The following ARHGAP29 variants were observed in gnomAD, a reference collection of about 807,000 sequenced individuals.
ARHGAP29 encodes rho GTPase-activating protein 29.
A neutral mutation model predicts 122.6 loss-of-function variants in ARHGAP29; 43 were observed. That is an observed-to-expected ratio of 0.35 (90% CI 0.27 to 0.45). The LOEUF (loss-of-function observed/expected upper bound fraction) is 0.45, where lower values mean the gene tolerates loss of function less well. ARHGAP29 is among the 20% of genes least tolerant of loss of function. The pLI is 1.00. For missense variants in ARHGAP29, 1,303 were observed against 1,477.2 expected, an observed-to-expected ratio of 0.88 and a Z score of 1.93; for synonymous variants, 506 against 497.1, an observed-to-expected ratio of 1.02 and a Z score of -0.24.
At chr1:94,222,686 C>T (rs966199632) in intron 2 of ARHGAP29, among the ~76,000 whole-genome samples, 21 of 152,048 alleles carry the variant, frequency 1.4e-4, no homozygotes, top group Admixed American at 1.0e-3. Flanking sequence ...TAGAGGAAAT[C>T]TATGGAAATC....
chr1:94,309,524 G>A, the ARHGAP29 span, among the ~76,000 whole-genome samples: 2 of 152,222 alleles, frequency 1.3e-5, no homozygotes, highest in African/African-American at 2.4e-5. Context: ...GACACATTAT[G>A]CACAGATGAT....
chr1:94,205,450 T>C (rs1329608499), intron 6 of ARHGAP29, among the ~76,000 whole-genome samples, 185 bp downstream of exon 6: 2 of 152,170 alleles, frequency 1.3e-5, no homozygotes, highest in African/African-American at 4.8e-5. Flanking sequence ...GATCAGTCTA[T>C]ATCTCATATT....
At chr1:94,259,669 G>A (rs987426390) in intron 1 of ARHGAP29, among the ~76,000 whole-genome samples, 14 of 152,164 alleles carry the variant, frequency 9.2e-5, no homozygotes, top group South Asian at 2.1e-4. Context: ...GAGAAGCAAC[G>A]AGGGATTCAT....
Position 94,189,975 on chromosome 1 carries a change from T to G in ARHGAP29, c.1390A>C (p.Ser464Arg), listed in dbSNP as rs533027050. The change falls in exon 13 of 23, where the codon AGT becomes CGT. Residue 464 changes from serine (S) to arginine (R), a missense_variant. By Grantham distance (110) the Ser-to-Arg change is moderately radical. Transcript: ENST00000260526. ...GAATTTGTGGCCTTGACAAATTCAC[T>G]GTACTCTTGGCCTGGGTCATAGAGT... ...AKLYDPGQEYSEFVKATNSTE... is the reference protein window; with the variant it reads ...AKLYDPGQEYREFVKATNSTE... 2 of 1,613,524 alleles carry G rather than the reference T, an allele frequency of 1.2e-6. No individual in the cohort carries two copies. Among genetic ancestry groups the G allele is most frequent in the Admixed American group, 3.3e-5 (2 of 59,920 alleles).
chr1:94,186,424 T>C (rs1256728436), intron 16 of ARHGAP29, 75 bp downstream of exon 16: 11 of 1,038,136 alleles, frequency 1.1e-5, no homozygotes, highest in Admixed American at 4.9e-5. Flanking sequence ...TTTAAAATTA[T>C]ACTATTTATC....
At chr1:94,310,833 A>G in the ARHGAP29 span, among the ~76,000 whole-genome samples, 2 of 152,178 alleles carry the variant, frequency 1.3e-5, no homozygotes, top group Non-Finnish European at 2.9e-5. Context: ...CAGGGCAGCC[A>G]TCTAGGGTCC....
At chr1:94,241,195 T>A (rs1454507433), upstream of ARHGAP29, among the ~76,000 whole-genome samples, 1 of 152,232 alleles carries the variant, frequency 6.6e-6, no homozygotes, top group Non-Finnish European at 1.5e-5. Flanking sequence ...CTTGTTAAAT[T>A]ATGCCACAGT....
At chr1:94,294,508 G>A in the ARHGAP29 span, among the ~76,000 whole-genome samples, 6 of 152,138 alleles carry the variant, frequency 3.9e-5, no homozygotes, top group South Asian at 2.1e-4. Flanking sequence ...GGCTTATCTC[G>A]CACTCCTGGG....
intron 2 of ARHGAP29, 37 bp downstream of exon 2, chr1:94,231,343 GCTAGGCCAGCATTTAAAATTTTACAAA>G: frequency 7.2e-7 from 1 of 1,389,382 alleles, no homozygotes; most frequent in Non-Finnish European, 1.0e-6. Context: ...AAACTTATCT[GCTAGGCCAGCATTTAAAATTTTACAAA>G]CTATCCAGCA....
At chr1:94,203,337 A>G in intron 8 of ARHGAP29, 127 bp from the exon 9 acceptor site, 3 of 575,318 alleles carry the variant, frequency 5.2e-6, no homozygotes, top group Non-Finnish European at 8.7e-6. Context: ...TAACTAGTCA[A>G]AAACATGACT....
upstream of ARHGAP29, among the ~76,000 whole-genome samples, chr1:94,277,079 A>G (rs1338385076): frequency 4.8e-4 from 73 of 152,274 alleles, no homozygotes; most frequent in Non-Finnish European, 1.5e-5. Context: ...CCTGCTTCTA[A>G]CCAGTTTCGA....
chr1:94,218,199 A>G (rs3789690), intron 3 of ARHGAP29, among the ~76,000 whole-genome samples: 16,351 of 152,140 alleles, frequency 0.11, 1,066 homozygotes, highest in African/African-American at 0.18. Flanking sequence ...AGGTTTTATT[A>G]TAAACCATAT....
In ARHGAP29 at chr1:94,266,760, C is replaced by T. The variant is rs75844950; in HGVS notation, c.-33+8252G>A. 6.7e-3 allele frequency among the ~76,000 whole-genome samples: 1,016 copies of T among 152,302 alleles called. 8 individuals are homozygous for T. Among genetic ancestry groups the T allele is most frequent in the African/African-American group, 0.023 (963 of 41,566 alleles). ...ATAGCCTCTCTAGCACTGAAGTTTT[C>T]CATCCTAAGTGACTTGAATCAAACT... On this transcript the variant is annotated intron_variant and NMD_transcript_variant, in intron 1 of 25. Transcript: ENST00000552844.
In ARHGAP29 at chr1:94,203,016, A is replaced by C. The variant is rs191672432; in HGVS notation, c.874-18T>G. 6,518 of 1,602,208 alleles carry C rather than the reference A, an allele frequency of 4.1e-3. 20 individuals carry two copies. The highest frequency in any genetic ancestry group is 4.7e-3 in the Non-Finnish European group (5,589 of 1,176,712). On this transcript the variant is annotated intron_variant, in intron 9 of 22. Coordinates refer to ENST00000260526, the MANE Select transcript of ARHGAP29 (RefSeq NM_004815.4). ...AGTAGAGGCTGTGAAAGGTATTTAA[A>C]ATGGAAAAAGAGAAAAGCAATTTTC...
chr1:94,243,982 C>A (rs1653699368), intron 1 of ARHGAP29, among the ~76,000 whole-genome samples: 1 of 151,830 alleles, frequency 6.6e-6, no homozygotes, highest in African/African-American at 2.4e-5. Flanking sequence ...ACACAAGAAA[C>A]AGAAAATGTT....
At chr1:94,216,196 A>G (rs1410661847) in intron 3 of ARHGAP29, among the ~76,000 whole-genome samples, 2 of 152,236 alleles carry the variant, frequency 1.3e-5, no homozygotes, top group Non-Finnish European at 2.9e-5. Flanking sequence ...TATTTATTGA[A>G]GCACTGTTTG....
rs900081004 is a variant in ARHGAP29 at position 94,231,519 on chromosome 1, G to A, written c.93C>T (p.Leu31=). Residue 31 remains leucine (L), a synonymous_variant, in exon 2 of 23, where the codon CTC becomes CTT. Coordinates refer to ENST00000260526, the MANE Select transcript of ARHGAP29 (RefSeq NM_004815.4). ...STDITTSEMG[L]KSLSSNSIFD... is the part of the protein sequence containing the mutation. Reference sequence around the variant, plus strand: ...AAATAGAGTTGGAACTTAAGGACTTGAGCCCCATTTCAGAAGTTGTAATAT... The same window carrying A: ...AAATAGAGTTGGAACTTAAGGACTTAAGCCCCATTTCAGAAGTTGTAATAT... 16 of 1,613,796 alleles carry A rather than the reference G, an allele frequency of 9.9e-6. No individual in the cohort carries two copies. Among genetic ancestry groups the A allele is most frequent in the Non-Finnish European group, 1.4e-5 (16 of 1,179,758 alleles).
chr1:94,222,724 G>A (rs1652375894), intron 2 of ARHGAP29, among the ~76,000 whole-genome samples: 1 of 152,210 alleles, frequency 6.6e-6, no homozygotes, highest in South Asian at 2.1e-4. Flanking sequence ...TAATAATAAT[G>A]CATCATTTTA....
Position 94,177,872 on chromosome 1 carries a change from G to A in ARHGAP29, c.2776C>T (p.Leu926=). 1 of 1,608,324 alleles carries A rather than the reference G, an allele frequency of 6.2e-7. No homozygotes were observed. Among genetic ancestry groups the A allele is most frequent in the Non-Finnish European group, 8.5e-7 (1 of 1,178,298 alleles). The change falls in exon 21 of 23, where the codon CTA becomes TTA. Residue 926 remains leucine (L), a synonymous_variant. Transcript: ENST00000260526. Reference sequence around the variant, plus strand: ...CTCACTTCCTTTGAAGAAAAAAATAGTGACTTCATGGAACGTTCAATGTCT... The same window carrying A: ...CTCACTTCCTTTGAAGAAAAAAATAATGACTTCATGGAACGTTCAATGTCT... The part of the protein sequence containing the change: ...ERDIERSMKS[L]FFSSKEDIHT...
Sources: gnomAD v4.1 joint callset for allele counts (sites outside exome capture counted in the v4.1 genomes callset) on GRCh38, gnomAD v4.1.1 for gene constraint, MANE v1.5 for transcripts, NCBI Gene and HGNC (gene_info 2026-07-23, HGNC 2026-07-21) for gene names.